ANKS1B: variants seen among roughly 807,000 people sequenced by gnomAD.
ANKS1B encodes the protein ankyrin repeat and sterile alpha motif domain containing 1B.
In ANKS1B, 36 loss-of-function variants were observed where a neutral mutation model predicts 148.3. That is an observed-to-expected ratio of 0.24 (90% confidence interval 0.19 to 0.32). ANKS1B has a LOEUF of 0.32. ANKS1B is among the 10% of genes least tolerant of loss of function. The pLI, the probability that ANKS1B is intolerant of heterozygous loss-of-function variation, is 1.00. For missense variants in ANKS1B, 1,157 were observed against 1,542.6 expected, an observed-to-expected ratio of 0.75 and a Z score of 4.19; for synonymous variants, 542 against 560.8, an observed-to-expected ratio of 0.97 and a Z score of 0.47.
Position 98,859,718 on chromosome 12 carries a change from T to G in ANKS1B, c.2779-27582A>C, listed in dbSNP as rs1056508958. Among the ~76,000 whole-genome samples, 5 of 152,200 alleles carry G rather than the reference T, an allele frequency of 3.3e-5. 1 individual carries two copies. Among genetic ancestry groups the G allele is most frequent in the African/African-American group, 1.2e-4 (5 of 41,452 alleles). On this transcript the variant is annotated intron_variant, in intron 17 of 26. Coordinates refer to ENST00000683438, the MANE Select transcript of ANKS1B (RefSeq NM_001352186.2). ...TTAAATCGATACAGCCCAGGAGATATAAAAGTATAGGTTTGTGTGGTCTTC... is the reference window on the plus strand; with the variant it reads ...TTAAATCGATACAGCCCAGGAGATAGAAAAGTATAGGTTTGTGTGGTCTTC...
intron 14 of ANKS1B, chr12:99,154,902 C>T: frequency 6.5e-7 from 1 of 1,535,288 alleles, no homozygotes. Context: ...CAATAATAGC[C>T]ATCAGATAAG....
chr12:99,965,259 A>G (rs997992386), intron 1 of ANKS1B, among the ~76,000 whole-genome samples: 1 of 152,206 alleles, frequency 6.6e-6, no homozygotes, highest in Non-Finnish European at 1.5e-5. Context: ...TGCTCAAGGA[A>G]TGGCTCAAAA....
intron 17 of ANKS1B, among the ~76,000 whole-genome samples, chr12:98,984,081 A>G (rs1325439474): frequency 6.6e-6 from 1 of 152,206 alleles, no homozygotes; most frequent in African/African-American, 2.4e-5. Flanking sequence ...GATTCACTGC[A>G]TCATACAGAA....
At chr12:99,854,005 GTTTGTTTTGT>G (rs922060888) in intron 1 of ANKS1B, among the ~76,000 whole-genome samples, 20 of 152,174 alleles carry the variant, frequency 1.3e-4, no homozygotes, top group Non-Finnish European at 2.1e-4. Flanking sequence ...TTTTTTGTTT[GTTTGTTTTGT>G]TTTGTTTTGT....
chr12:99,737,016 A>G (rs1327934759), intron 8 of ANKS1B, among the ~76,000 whole-genome samples: 1 of 152,048 alleles, frequency 6.6e-6, no homozygotes, highest in African/African-American at 2.4e-5. Flanking sequence ...AGTTAGAATG[A>G]CTATTATTAA....
intron 1 of ANKS1B, among the ~76,000 whole-genome samples, chr12:99,950,788 T>C (rs2095200363): frequency 6.6e-6 from 1 of 152,164 alleles, no homozygotes; most frequent in South Asian, 2.1e-4. Flanking sequence ...TCTCAAGGCC[T>C]AGTGAACAGT....
chr12:99,429,691 C>T (rs762830458), intron 11 of ANKS1B, among the ~76,000 whole-genome samples: 66 of 152,026 alleles, frequency 4.3e-4, no homozygotes, highest in Non-Finnish European at 2.4e-4. Context: ...GGGCCGGGCG[C>T]GGTGGCTCAC....
At chr12:99,157,027 C>A (rs1369666946) in intron 14 of ANKS1B, among the ~76,000 whole-genome samples, 1 of 152,246 alleles carries the variant, frequency 6.6e-6, no homozygotes, top group African/African-American at 2.4e-5. Context: ...AGCTCATCAT[C>A]CTCATCCACT....
chr12:99,884,824 G>GT (rs1429955299), intron 1 of ANKS1B, among the ~76,000 whole-genome samples: 2 of 151,964 alleles, frequency 1.3e-5, no homozygotes, highest in African/African-American at 4.8e-5. Context: ...TGTGATGGTG[G>GT]TTACACGATT....
At chr12:99,282,424 A>G (rs2078590703) in intron 12 of ANKS1B, among the ~76,000 whole-genome samples, 1 of 152,118 alleles carries the variant, frequency 6.6e-6, no homozygotes, top group Admixed American at 6.6e-5. Flanking sequence ...CTGATTTAAG[A>G]GTTGAAAAAC....
chr12:98,977,475 G>A (rs1452012461), intron 17 of ANKS1B, among the ~76,000 whole-genome samples: 1 of 150,326 alleles, frequency 6.7e-6, no homozygotes, highest in East Asian at 1.9e-4. Flanking sequence ...TCATATATAA[G>A]CATGAAAATG....
chr12:99,239,503 A>T (rs1394864166), intron 14 of ANKS1B, among the ~76,000 whole-genome samples: 1 of 152,236 alleles, frequency 6.6e-6, no homozygotes, highest in African/African-American at 2.4e-5. Flanking sequence ...TCAGGATATT[A>T]TCTAGGAGAA....
rs1447252059 is a variant in ANKS1B, at chr12:99,942,660, G to T, written c.134+41444C>A. ...TCCAGTAAAGGCATAAATCAAAGATGCATAAAATACTTGATGTATTCATTC... is the reference window on the plus strand; with the variant it reads ...TCCAGTAAAGGCATAAATCAAAGATTCATAAAATACTTGATGTATTCATTC... On this transcript the variant is annotated intron_variant, in intron 1 of 26. Transcript: ENST00000683438. Among the ~76,000 whole-genome samples, 6 of 152,074 alleles carry T rather than the reference G, an allele frequency of 3.9e-5. 1 individual carries two copies. Among genetic ancestry groups the T allele is most frequent in the Admixed American group, 3.3e-4 (5 of 15,254 alleles).
intron 9 of ANKS1B, among the ~76,000 whole-genome samples, chr12:99,624,955 T>C (rs1020601950): frequency 6.6e-6 from 1 of 152,090 alleles, no homozygotes; most frequent in Non-Finnish European, 1.5e-5. Context: ...CATATGTTTA[T>C]CACAGCACTA....
intron 8 of ANKS1B, among the ~76,000 whole-genome samples, chr12:99,721,268 G>A (rs969277408): frequency 3.0e-4 from 46 of 151,862 alleles, no homozygotes; most frequent in African/African-American, 1.1e-3. Flanking sequence ...CAAAATTTTC[G>A]TCGTCCCAAC....
chr12:99,039,943 A>T (rs1247856828), intron 17 of ANKS1B, among the ~76,000 whole-genome samples: 1 of 152,098 alleles, frequency 6.6e-6, no homozygotes, highest in Non-Finnish European at 1.5e-5. Flanking sequence ...TGACTCATAG[A>T]TTTAGTTCTC....
intron 12 of ANKS1B, among the ~76,000 whole-genome samples, chr12:99,299,329 G>A (rs1841734705): frequency 6.6e-6 from 1 of 152,132 alleles, no homozygotes; most frequent in Non-Finnish European, 1.5e-5. Flanking sequence ...CAAAGCACTG[G>A]AATTATAGGT....
At chr12:99,088,272 A>AG (rs60242169) in intron 15 of ANKS1B, among the ~76,000 whole-genome samples, 12,020 of 152,170 alleles carry the variant, frequency 0.079, 1,153 homozygotes, top group African/African-American at 0.22. Context: ...TCCAAACACT[A>AG]GGGGACTTGG....
At chr12:99,640,341 T>G (rs2098289756) in intron 9 of ANKS1B, among the ~76,000 whole-genome samples, 1 of 152,184 alleles carries the variant, frequency 6.6e-6, no homozygotes, top group African/African-American at 2.4e-5. Flanking sequence ...GATGTTGCTA[T>G]GGTTTGAGTG....
Sources: allele counts gnomAD v4.1 joint callset (sites outside exome capture counted in the v4.1 genomes callset), GRCh38; gene constraint gnomAD v4.1.1; transcripts MANE v1.5; gene names NCBI Gene and HGNC (gene_info 2026-07-23, HGNC 2026-07-21).